Variants in ROBO1 observed in about 807,000 individuals in gnomAD.
The protein encoded by ROBO1 is roundabout homolog 1.
Under a neutral mutation model 195.9 loss-of-function variants are expected in ROBO1, and 149 were observed. That is an observed-to-expected ratio of 0.76 (90% CI 0.67 to 0.87). The LOEUF (loss-of-function observed/expected upper bound fraction) is 0.87. Ranked by LOEUF, ROBO1 falls within the 40% of genes least tolerant of loss-of-function variation. The pLI is 0.00. For synonymous variants in ROBO1, 816 were observed against 733.2 expected, an observed-to-expected ratio of 1.11 and a Z score of -1.82; for missense variants, 1,933 against 2,068.3, an observed-to-expected ratio of 0.93 and a Z score of 1.27.
rs539316088 is a variant in ROBO1 at position 78,600,010 on chromosome 3, T to G, written c.4941+103A>C. The G allele has an allele frequency of 5.3e-6, 5 of 951,540 alleles. No individual in the cohort carries two copies. In the Admixed American group the frequency reaches 7.0e-5, roughly 13 times the overall value. 58.9% of individuals were successfully genotyped at this position (951,540 alleles called of 1,614,324 possible). A position where few individuals can be genotyped will look rare whatever the true frequency, so the allele number is the denominator to read the frequency against. ...TCATAGACATTAGAGTACTGAAAAG[T>G]TTGCAATAAAACAGTAACATTTCTG... On this transcript the variant is annotated intron_variant, in intron 30 of 30. Coordinates refer to ENST00000464233, the MANE Select transcript of ROBO1 (RefSeq NM_002941.4).
intron 1 of ROBO1, among the ~76,000 whole-genome samples, chr3:79,664,739 T>G (rs1436455265): frequency 1.3e-5 from 2 of 151,914 alleles, no homozygotes; most frequent in African/African-American, 4.8e-5. Context: ...GACGGCCCAT[T>G]ATGTCCTCTA....
chr3:79,231,688 T>G (rs1559751965), intron 2 of ROBO1, among the ~76,000 whole-genome samples: 1 of 152,174 alleles, frequency 6.6e-6, no homozygotes, highest in African/African-American at 2.4e-5. Flanking sequence ...GAAATGCCAT[T>G]TGACCCAGCA....
At chr3:79,728,037 A>C (rs972516756) in intron 1 of ROBO1, among the ~76,000 whole-genome samples, 1 of 152,090 alleles carries the variant, frequency 6.6e-6, no homozygotes, top group Non-Finnish European at 1.5e-5. Context: ...AAAAATAATC[A>C]CGCCCCAAGT....
At chr3:79,660,850 C>T (rs1173821807) in intron 1 of ROBO1, among the ~76,000 whole-genome samples, 1 of 151,952 alleles carries the variant, frequency 6.6e-6, no homozygotes, top group East Asian at 1.9e-4. Context: ...TGTTATGCCA[C>T]GTAGTTACCA....
At chr3:79,412,704 C>G (rs976104916) in intron 2 of ROBO1, among the ~76,000 whole-genome samples, 4 of 152,022 alleles carry the variant, frequency 2.6e-5, no homozygotes, top group South Asian at 4.2e-4. Context: ...TGTATAAAGA[C>G]AGTATGCCAA....
chr3:79,204,441 A>G (rs1224144781), intron 2 of ROBO1, among the ~76,000 whole-genome samples: 3 of 151,958 alleles, frequency 2.0e-5, no homozygotes, highest in African/African-American at 4.8e-5. Flanking sequence ...TTATTTATCT[A>G]TTCCCCAGTG....
chr3:79,643,132 C>T (rs1325696207), intron 1 of ROBO1, among the ~76,000 whole-genome samples: 6 of 152,128 alleles, frequency 3.9e-5, no homozygotes, highest in Non-Finnish European at 7.4e-5. Context: ...AGCAGACTTG[C>T]TGTGTCTTCT....
chr3:79,757,219 T>C (rs754557366), intron 1 of ROBO1, among the ~76,000 whole-genome samples: 1 of 152,202 alleles, frequency 6.6e-6, no homozygotes, highest in Non-Finnish European at 1.5e-5. Flanking sequence ...ATGTTTAATT[T>C]TTTTAGGAAC....
At chr3:79,092,158 T>C (rs1031126653) in intron 3 of ROBO1, among the ~76,000 whole-genome samples, 1 of 152,116 alleles carries the variant, frequency 6.6e-6, no homozygotes, top group African/African-American at 2.4e-5. Context: ...ATACACGTAT[T>C]TGAAGGTAGA....
chr3:79,343,453 G>A (rs1186171275), intron 2 of ROBO1, among the ~76,000 whole-genome samples: 1 of 152,066 alleles, frequency 6.6e-6, no homozygotes, highest in Non-Finnish European at 1.5e-5. Flanking sequence ...CAGCAACGAA[G>A]GATAATTAAT....
At chr3:78,832,977 G>A (rs889696865) in intron 4 of ROBO1, among the ~76,000 whole-genome samples, 1 of 152,154 alleles carries the variant, frequency 6.6e-6, no homozygotes, top group Non-Finnish European at 1.5e-5. Context: ...CATTGATCTG[G>A]CAGGAGCACG....
intron 2 of ROBO1, among the ~76,000 whole-genome samples, chr3:79,518,525 A>G (rs1209544318): frequency 1.3e-5 from 2 of 152,170 alleles, no homozygotes; most frequent in South Asian, 4.1e-4. Context: ...TAGCTTTAGA[A>G]TTGTCCGTGA....
intron 2 of ROBO1, among the ~76,000 whole-genome samples, chr3:79,197,743 AGAT>A (rs1191268009): frequency 6.6e-6 from 1 of 152,088 alleles, no homozygotes; most frequent in Non-Finnish European, 1.5e-5. Context: ...AACTGGAGTG[AGAT>A]GATATCTTAT....
intron 3 of ROBO1, among the ~76,000 whole-genome samples, chr3:78,948,594 A>G (rs1486575807): frequency 2.0e-5 from 3 of 152,184 alleles, no homozygotes; most frequent in Non-Finnish European, 4.4e-5. Context: ...ATTCTCTTTG[A>G]AAACGGGCAC....
intron 2 of ROBO1, among the ~76,000 whole-genome samples, chr3:79,338,998 C>A (rs2034797645): frequency 6.6e-6 from 1 of 152,168 alleles, no homozygotes; most frequent in Admixed American, 6.5e-5. Context: ...TTGAAATCAA[C>A]CTTGACTCAT....
intron 1 of ROBO1, among the ~76,000 whole-genome samples, chr3:79,664,589 C>A (rs1307327054): frequency 6.6e-6 from 1 of 152,004 alleles, no homozygotes; most frequent in African/African-American, 2.4e-5. Context: ...GGTAGCATTT[C>A]TTCTCCACCC....
At chr3:78,898,380 G>GTTTTTTT (rs773377988) in intron 4 of ROBO1, among the ~76,000 whole-genome samples, 15 of 101,036 alleles carry the variant, frequency 1.5e-4, no homozygotes, top group African/African-American at 2.4e-4. Flanking sequence ...GATAGATAGG[G>GTTTTTTT]TTTTTTTTTT....
chr3:79,444,196 G>A (rs1269793556), intron 2 of ROBO1, among the ~76,000 whole-genome samples: 1 of 151,686 alleles, frequency 6.6e-6, no homozygotes, highest in Admixed American at 6.6e-5. Flanking sequence ...CTTGAAGGAA[G>A]GAAAAATAAA....
chr3:79,039,730 G>A (rs1038143882), intron 3 of ROBO1, among the ~76,000 whole-genome samples: 5 of 145,364 alleles, frequency 3.4e-5, no homozygotes, highest in Admixed American at 7.2e-5. Flanking sequence ...GGACCCGGGA[G>A]GCAGAGGTTG....
Sources: gnomAD v4.1 joint callset for allele counts (sites outside exome capture counted in the v4.1 genomes callset) on GRCh38, gnomAD v4.1.1 for gene constraint, MANE v1.5 for transcripts, NCBI Gene and HGNC (gene_info 2026-07-23, HGNC 2026-07-21) for gene names.